The following RIMS2 variants were observed in gnomAD, a reference collection of about 807,000 sequenced individuals.
RIMS2 encodes the protein regulating synaptic membrane exocytosis protein 2.
Under a neutral mutation model 174.4 loss-of-function variants are expected in RIMS2, and 59 were observed. The observed-to-expected ratio is 0.34, with a 90% CI of 0.27 to 0.42. RIMS2 has a LOEUF of 0.42. Among genes scored for constraint, RIMS2 ranks in the 10% least tolerant of loss-of-function variants. The pLI is 1.00. For missense variants in RIMS2, 1,620 were observed against 1,666.3 expected (o/e 0.97, Z 0.48); for synonymous variants, 606 against 572.5 (o/e 1.06, Z -0.84).
At chr8:103,685,365 A>C (rs1040934941) in intron 1 of RIMS2, among the ~76,000 whole-genome samples, 5 of 152,044 alleles carry the variant, frequency 3.3e-5, no homozygotes, top group Non-Finnish European at 7.4e-5. Context: ...TTTTTAAAAC[A>C]ACTAGTTCTC....
rs111509144 is a variant in RIMS2, at chr8:104,025,708, T to TATAC, written c.3334+11094_3334+11095insTACA. The stretch of plus-strand genomic sequence containing the variant: ...CACCCTGAAGCAGTTGTTAAACGTA[T>TATAC]ACACACACACACACACACACACACA... On this transcript the variant is annotated intron_variant, in intron 19 of 23. Transcript: ENST00000504942. 1.1e-4 allele frequency among the ~76,000 whole-genome samples: 17 copies of TATAC among 149,374 alleles called. No homozygotes were observed. In the South Asian group the frequency reaches 1.5e-3, roughly 13 times the overall value.
chr8:103,952,193 C>T (rs892596908), intron 14 of RIMS2, among the ~76,000 whole-genome samples: 2 of 152,216 alleles, frequency 1.3e-5, no homozygotes, highest in South Asian at 2.1e-4. Context: ...CAGACTTAAA[C>T]GTTCCTGCCT....
intron 14 of RIMS2, among the ~76,000 whole-genome samples, chr8:103,949,593 GA>G (rs1424098792): frequency 6.6e-6 from 1 of 152,104 alleles, no homozygotes; most frequent in African/African-American, 2.4e-5. Context: ...TGAACTGAAT[GA>G]AATGAACACC....
Position 103,967,323 on chromosome 8 carries a change from T to G in RIMS2, c.2770+6190T>G, listed in dbSNP as rs376961506. On this transcript the variant is annotated intron_variant, in intron 15 of 23. Coordinates refer to ENST00000504942, the Ensembl canonical transcript of RIMS2. ...CTTCTGCCTCAGCCTCCTGAGTAGC[T>G]GGGATTACAGGCATGTGCCACTACA... 2.6e-5 allele frequency among the ~76,000 whole-genome samples: 4 copies of G among 151,630 alleles called. No individual in the cohort carries two copies. The East Asian group carries it at 7.7e-4, about 29-fold the overall frequency.
chr8:104,234,408 A>T (rs556832231), intron 19 of RIMS2, among the ~76,000 whole-genome samples: 1 of 151,962 alleles, frequency 6.6e-6, no homozygotes, highest in East Asian at 1.9e-4. Flanking sequence ...TCAAGTACAG[A>T]TCTGAAAGTT....
chr8:104,118,161 C>A (rs961071901), intron 19 of RIMS2, among the ~76,000 whole-genome samples: 1 of 151,780 alleles, frequency 6.6e-6, no homozygotes, highest in African/African-American at 2.4e-5. Flanking sequence ...CCTATTTTAC[C>A]TGTTTATTAT....
chr8:103,752,692 G>A (rs900079573), intron 2 of RIMS2, among the ~76,000 whole-genome samples: 3 of 152,084 alleles, frequency 2.0e-5, no homozygotes, highest in African/African-American at 4.8e-5. Flanking sequence ...TCTCTTTGAA[G>A]CAACTGTGAA....
At chr8:104,223,642 C>G (rs1283975496) in intron 19 of RIMS2, 9 of 1,586,876 alleles carry the variant, frequency 5.7e-6, no homozygotes, top group Non-Finnish European at 7.7e-6. Context: ...AAAGCGGGTC[C>G]TCGTCCAAGA....
chr8:103,518,670 T>G (rs1586658305), intron 1 of RIMS2, among the ~76,000 whole-genome samples: 1 of 152,254 alleles, frequency 6.6e-6, no homozygotes, highest in East Asian at 1.9e-4. Flanking sequence ...GGGTTTATCT[T>G]ATTGGCATAT....
At chr8:103,645,002 A>G (rs2096298185) in intron 1 of RIMS2, among the ~76,000 whole-genome samples, 1 of 151,988 alleles carries the variant, frequency 6.6e-6, no homozygotes, top group African/African-American at 2.4e-5. Flanking sequence ...TTTTTAGCAT[A>G]CTATTATTTG....
intron 15 of RIMS2, among the ~76,000 whole-genome samples, chr8:103,970,103 G>A (rs2092694508): frequency 6.6e-6 from 1 of 152,042 alleles, no homozygotes; most frequent in African/African-American, 2.4e-5. Context: ...ATGATGTGCT[G>A]GTTAAAAGAA....
In RIMS2 at chr8:103,652,608, T is replaced by C; in HGVS notation, c.177-44478T>C. The stretch of plus-strand genomic sequence containing the variant: ...TCATTTGGTTATTCAGTCACATTAT[T>C]TGCTTATTTAAACAGGTGGTTTCCC... On this transcript the variant is annotated intron_variant, in intron 1 of 23. Transcript: ENST00000504942. The C allele has an allele frequency of 7.8e-7, 1 of 1,286,944 alleles. No individual in the cohort carries two copies. Among genetic ancestry groups the C allele is most frequent in the Admixed American group, 1.9e-5 (1 of 51,556 alleles). The allele number at this position is 1,286,944 out of a possible 1,614,324, so 79.7% of individuals were successfully genotyped here. A position where few individuals can be genotyped will look rare whatever the true frequency, so the allele number is the denominator to read the frequency against.
At chr8:103,984,527 T>A (rs2154549633) in intron 16 of RIMS2, among the ~76,000 whole-genome samples, 1 of 152,328 alleles carries the variant, frequency 6.6e-6, no homozygotes, top group East Asian at 1.9e-4. Flanking sequence ...CCAGTCAAAA[T>A]GGCTTATATC....
intron 19 of RIMS2, among the ~76,000 whole-genome samples, chr8:104,195,833 T>C (rs1048721540): frequency 3.9e-5 from 6 of 152,066 alleles, no homozygotes; most frequent in Admixed American, 2.0e-4. Flanking sequence ...CTTTTTAGGG[T>C]TATGGCTGGG....
exon 7 of RIMS2, chr8:103,915,513 A>T: frequency 1.9e-6 from 3 of 1,601,036 alleles, no homozygotes; most frequent in African/African-American, 1.3e-5. Context: ...AGGAAAGATG[A>T]CTGAATCAGG....
At chr8:103,774,720 G>A (rs1439756458) in intron 3 of RIMS2, among the ~76,000 whole-genome samples, 2 of 152,112 alleles carry the variant, frequency 1.3e-5, no homozygotes, top group Non-Finnish European at 2.9e-5. Flanking sequence ...GTCAAGAAGA[G>A]ATAAAACAAA....
chr8:103,918,312 ATGCCACT>A, intron 8 of RIMS2, 122 bp from the exon 12 acceptor site: 1 of 519,660 alleles, frequency 1.9e-6, no homozygotes, highest in South Asian at 4.2e-5. Context: ...TATTTATATA[ATGCCACT>A]ATTATACACA....
intron 17 of RIMS2, among the ~76,000 whole-genome samples, chr8:104,007,025 T>C (rs2095609622): frequency 6.6e-6 from 1 of 152,140 alleles, no homozygotes; most frequent in Non-Finnish European, 1.5e-5. Flanking sequence ...ACAGCCCAGT[T>C]CAAGTTCCAG....
chr8:104,074,771 A>C (rs1382673465), intron 19 of RIMS2, among the ~76,000 whole-genome samples: 1 of 152,188 alleles, frequency 6.6e-6, no homozygotes, highest in Non-Finnish European at 1.5e-5. Context: ...AAATTATGCT[A>C]TCATGGTTGA....
Sources: allele counts gnomAD v4.1 joint callset (sites outside exome capture counted in the v4.1 genomes callset), GRCh38; gene constraint gnomAD v4.1.1; transcripts MANE v1.5; gene names NCBI Gene and HGNC (gene_info 2026-07-23, HGNC 2026-07-21).